The following CDK19 variants were observed in gnomAD, a reference collection of about 807,000 sequenced individuals.
The protein encoded by CDK19 is cyclin-dependent kinase 19.
A neutral mutation model predicts 68.3 loss-of-function variants in CDK19; 20 were observed. That is an observed-to-expected ratio of 0.29 (90% CI 0.21 to 0.43). CDK19 has a LOEUF of 0.43. Ranked by LOEUF, CDK19 falls within the 20% of genes least tolerant of loss-of-function variation. The pLI is 1.00. For missense variants in CDK19, 339 were observed against 623.5 expected, an observed-to-expected ratio of 0.54 and a Z score of 4.86; for synonymous variants, 221 against 222.8, an observed-to-expected ratio of 0.99 and a Z score of 0.07.
At chr6:110,737,971 T>A (rs1352114073) in intron 2 of CDK19, among the ~76,000 whole-genome samples, 1 of 152,166 alleles carries the variant, frequency 6.6e-6, no homozygotes, top group Non-Finnish European at 1.5e-5. Flanking sequence ...CTTAGTTCTA[T>A]TCTCTTAACA....
chr6:110,614,509 G>A lies in CDK19; in HGVS notation c.*26C>T, dbSNP rs752848644. The A allele has an allele frequency of 6.2e-7, 1 of 1,610,716 alleles. No individual in the cohort carries two copies. The highest frequency in any genetic ancestry group is 1.7e-5 in the Admixed American group (1 of 59,780). On this transcript the variant is annotated 3_prime_UTR_variant, in exon 13 of 13. Coordinates refer to ENST00000368911, the MANE Select transcript of CDK19 (RefSeq NM_015076.5). ...TTGCTGGAGCCTGTGCTCTGGGCTGGGCTGGCCTGGCCCAACGGGAGCTGG... is the reference window on the plus strand; with the variant it reads ...TTGCTGGAGCCTGTGCTCTGGGCTGAGCTGGCCTGGCCCAACGGGAGCTGG...
chr6:110,667,635 C>G (rs532158456), intron 3 of CDK19, 61 bp from the exon 4 acceptor site: 10 of 843,290 alleles, frequency 1.2e-5, no homozygotes, highest in Middle Eastern at 2.8e-4. Flanking sequence ...CAATAAAACA[C>G]AATCAATGCT....
chr6:110,649,416 G>GA (rs1207856190), intron 4 of CDK19, among the ~76,000 whole-genome samples: 6 of 151,924 alleles, frequency 3.9e-5, no homozygotes, highest in African/African-American at 1.4e-4. Flanking sequence ...AAAACTTTTG[G>GA]AAAAAAATAT....
intron 2 of CDK19, among the ~76,000 whole-genome samples, chr6:110,715,479 A>G (rs755660990): frequency 2.6e-4 from 39 of 151,992 alleles, no homozygotes; most frequent in Non-Finnish European, 4.6e-4. Context: ...CATTTTGTGT[A>G]TTCAGTTCTT....
At chr6:110,788,135 T>A (rs1407312105) in intron 1 of CDK19, among the ~76,000 whole-genome samples, 2 of 151,666 alleles carry the variant, frequency 1.3e-5, no homozygotes, top group East Asian at 3.9e-4. Flanking sequence ...CCACCACACC[T>A]GGCCTGTTTT....
At chr6:110,654,873 G>A (rs558055186) in intron 4 of CDK19, among the ~76,000 whole-genome samples, 3 of 151,720 alleles carry the variant, frequency 2.0e-5, no homozygotes, top group South Asian at 4.2e-4. Context: ...CCCGGGAGGT[G>A]GAGGTTATGG....
intron 1 of CDK19, among the ~76,000 whole-genome samples, chr6:110,793,759 G>C (rs1781750941): frequency 6.6e-6 from 1 of 152,048 alleles, no homozygotes; most frequent in Admixed American, 6.6e-5. Flanking sequence ...TTCAGCCTTT[G>C]CCTCTTCCCC....
At chr6:110,745,060 G>C (rs143452311) in intron 2 of CDK19, among the ~76,000 whole-genome samples, 89 of 152,242 alleles carry the variant, frequency 5.8e-4, no homozygotes, top group Non-Finnish European at 1.1e-3. Context: ...ACAATTTAGA[G>C]ACAAACATCT....
Position 110,626,995 on chromosome 6 carries a change from A to G in CDK19, c.790+7T>C. 6.3e-7 allele frequency: 1 copy of G among 1,596,220 alleles called. No individual in the cohort carries two copies. The stretch of plus-strand genomic sequence containing the variant: ...AAAATATGACTTTAAAAAGGAAAAT[A>G]AATTACCTGCAGGAAACCCCATGAC... On this transcript the variant is annotated splice_region_variant and intron_variant, in intron 7 of 12. Transcript: ENST00000368911.
intron 1 of CDK19, among the ~76,000 whole-genome samples, chr6:110,796,470 T>C (rs998237227): frequency 6.6e-5 from 10 of 150,838 alleles, no homozygotes; most frequent in African/African-American, 2.2e-4. Context: ...CAACACAACA[T>C]GGTGACACCC....
chr6:110,744,011 GTTTTTTTT>G (rs5879078), intron 2 of CDK19, among the ~76,000 whole-genome samples: 1 of 113,358 alleles, frequency 8.8e-6, no homozygotes, highest in Non-Finnish European at 1.7e-5. Flanking sequence ...ACCTCCCCAC[GTTTTTTTT>G]TTTTTTTTTT....
intron 1 of CDK19, among the ~76,000 whole-genome samples, chr6:110,781,070 A>G (rs145812980): frequency 1.1e-4 from 16 of 152,306 alleles, no homozygotes; most frequent in African/African-American, 2.6e-4. Flanking sequence ...AATGTGTGAG[A>G]TATTAGTGTA....
At chr6:110,721,700 T>C (rs558740295) in intron 2 of CDK19, among the ~76,000 whole-genome samples, 15 of 152,200 alleles carry the variant, frequency 9.9e-5, no homozygotes, top group African/African-American at 3.6e-4. Context: ...GCATGGCAGC[T>C]CACGCCTGTA....
At chr6:110,698,409 C>T (rs914800325) in intron 2 of CDK19, among the ~76,000 whole-genome samples, 1 of 151,782 alleles carries the variant, frequency 6.6e-6, no homozygotes, top group Non-Finnish European at 1.5e-5. Flanking sequence ...GAAAAAAATG[C>T]TCAACATCAC....
At chr6:110,646,577 G>A (rs943335675) in intron 4 of CDK19, 1 of 879,790 alleles carries the variant, frequency 1.1e-6, no homozygotes, top group Non-Finnish European at 1.6e-6. Context: ...ACCTGCAGGG[G>A]GTCAACCGGG....
intron 2 of CDK19, among the ~76,000 whole-genome samples, chr6:110,713,949 C>T (rs912099336): frequency 9.2e-5 from 14 of 152,312 alleles, no homozygotes; most frequent in South Asian, 4.1e-4. Context: ...TTTCACATAA[C>T]ATAAACTTCA....
intron 4 of CDK19, among the ~76,000 whole-genome samples, chr6:110,653,049 G>T (rs1582785174): frequency 6.6e-6 from 1 of 152,242 alleles, no homozygotes; most frequent in Admixed American, 6.5e-5. Flanking sequence ...TTTCTTTACT[G>T]GGATTGCCTG....
chr6:110,777,397 T>G (rs889103512), intron 1 of CDK19, among the ~76,000 whole-genome samples: 2 of 152,112 alleles, frequency 1.3e-5, no homozygotes, highest in Non-Finnish European at 2.9e-5. Flanking sequence ...TTTGTAAACT[T>G]TAAAATCTCA....
intron 1 of CDK19, among the ~76,000 whole-genome samples, chr6:110,774,249 C>T (rs72952043): frequency 1.1e-4 from 16 of 152,284 alleles, no homozygotes; most frequent in Non-Finnish European, 1.8e-4. Flanking sequence ...CTGAAAGTAA[C>T]AATTCAACTT....
Sources: allele counts gnomAD v4.1 joint callset (sites outside exome capture counted in the v4.1 genomes callset), GRCh38; gene constraint gnomAD v4.1.1; transcripts MANE v1.5; gene names NCBI Gene and HGNC (gene_info 2026-07-23, HGNC 2026-07-21).